The following ZFYVE27 variants were observed in gnomAD, a reference collection of about 807,000 sequenced individuals.
ZFYVE27 encodes the protein protrudin.
ZFYVE27 carries 36 observed loss-of-function variants against 52.8 expected under a neutral mutation model. That is an observed-to-expected ratio of 0.68 (90% CI 0.52 to 0.90). The LOEUF (loss-of-function observed/expected upper bound fraction) is 0.90, where lower values mean the gene tolerates loss of function less well. ZFYVE27 is among the 40% of genes least tolerant of loss of function. The pLI is 0.00. For missense variants in ZFYVE27, 450 were observed against 527.2 expected (o/e 0.85, Z 1.43); for synonymous variants, 223 against 215.6 (o/e 1.03, Z -0.30).
chr10:97,760,202 A>G lies in ZFYVE27; in HGVS notation c.*902A>G, dbSNP rs1178222542. On this transcript the variant is annotated 3_prime_UTR_variant, in exon 13 of 13. Coordinates refer to ENST00000684270, the MANE Select transcript of ZFYVE27 (RefSeq NM_001385875.1). The stretch of plus-strand genomic sequence containing the variant: ...ATGGAGTGGGAGGCCAGGTGAGTGG[A>G]GCAGAGGTCCTGAAGCCCTTGACCC... The G allele has an allele frequency of 1.3e-5, 2 of 152,366 alleles. No homozygotes were observed. Among genetic ancestry groups the G allele is most frequent in the African/African-American group, 4.8e-5 (2 of 41,428 alleles). The allele number at this position is 152,366 out of a possible 1,614,324, so 9.4% of individuals were successfully genotyped here.
chr10:97,753,866 C>A (rs774890955), intron 10 of ZFYVE27, among the ~76,000 whole-genome samples: 1 of 152,222 alleles, frequency 6.6e-6, no homozygotes, highest in Non-Finnish European at 1.5e-5. Flanking sequence ...GAGTTCACCT[C>A]TCCCCAGCCA....
chr10:97,743,699 A>C (rs932134673), intron 3 of ZFYVE27, among the ~76,000 whole-genome samples: 1 of 152,196 alleles, frequency 6.6e-6, no homozygotes, highest in Non-Finnish European at 1.5e-5. Flanking sequence ...TCAGCTAGTG[A>C]GCCTAACGGG....
chr10:97,748,521 G>T (rs1394792484), intron 5 of ZFYVE27, among the ~76,000 whole-genome samples, 157 bp downstream of exon 5: 1 of 152,184 alleles, frequency 6.6e-6, no homozygotes, highest in Non-Finnish European at 1.5e-5. Flanking sequence ...ATGCTTGCGG[G>T]CTCTAATGTA....
intron 10 of ZFYVE27, chr10:97,754,681 C>T (rs1564833317): frequency 7.8e-7 from 1 of 1,289,294 alleles, no homozygotes; most frequent in Non-Finnish European, 1.0e-6. Flanking sequence ...GATCTGTTTA[C>T]CCTCCATACT....
intron 11 of ZFYVE27, among the ~76,000 whole-genome samples, 154 bp from the exon 12 acceptor site, chr10:97,757,487 AG>A (rs2048668918): frequency 6.6e-6 from 1 of 152,116 alleles, no homozygotes; most frequent in Admixed American, 6.5e-5. Flanking sequence ...CAGCCTCCCC[AG>A]GGGGTATTCC....
At chr10:97,759,134 TGG>T in intron 12 of ZFYVE27, 100 bp from the exon 13 acceptor site, 1 of 1,238,416 alleles carries the variant, frequency 8.1e-7, no homozygotes, top group Non-Finnish European at 1.2e-6. Flanking sequence ...GTGGGCTGGG[TGG>T]GGGGTCTGTG....
intron 2 of ZFYVE27, among the ~76,000 whole-genome samples, chr10:97,742,550 C>T (rs1488763460): frequency 1.3e-5 from 2 of 152,086 alleles, no homozygotes; most frequent in Non-Finnish European, 2.9e-5. Context: ...ACTATTGTTT[C>T]TCTTTTTGAA....
chr10:97,740,749 T>C (rs2043400096), intron 2 of ZFYVE27, among the ~76,000 whole-genome samples: 1 of 152,170 alleles, frequency 6.6e-6, no homozygotes, highest in Admixed American at 6.5e-5. Context: ...CGTTAGTTTG[T>C]GCTTTTGATT....
rs145911738 is a variant in ZFYVE27, at chr10:97,746,751, A to G, written c.456-1518A>G. ...GTCATCCAGGCTGGAATGCAGTGGC[A>G]TGATCATGGCTCACTGCAGCCTCAA... On this transcript the variant is annotated intron_variant, in intron 4 of 12. Transcript: ENST00000684270. Among the ~76,000 whole-genome samples, 404 of 150,136 alleles carry G rather than the reference A, an allele frequency of 2.7e-3. 10 individuals are homozygous for G. The highest frequency in any genetic ancestry group is 0.014 in the East Asian group (69 of 5,076).
intron 3 of ZFYVE27, among the ~76,000 whole-genome samples, chr10:97,743,851 C>T (rs893461190): frequency 2.0e-5 from 3 of 152,162 alleles, no homozygotes; most frequent in Non-Finnish European, 2.9e-5. Context: ...CTACCCTATC[C>T]GTGGTTGGCG....
intron 4 of ZFYVE27, 107 bp from the exon 5 acceptor site, chr10:97,748,162 G>A: frequency 2.0e-6 from 2 of 1,014,764 alleles, no homozygotes; most frequent in Non-Finnish European, 3.0e-6. Context: ...CATGGTGAGT[G>A]TGTTTAAAGA....
At chr10:97,744,614 G>C in intron 3 of ZFYVE27, 115 bp from the exon 4 acceptor site, 13 of 1,241,000 alleles carry the variant, frequency 1.0e-5, no homozygotes, top group Non-Finnish European at 1.4e-5. Context: ...AGCTATCAGG[G>C]AAGGCCTGAC....
intron 5 of ZFYVE27, 45 bp from the exon 6 acceptor site, chr10:97,749,429 T>C: frequency 6.7e-7 from 1 of 1,485,860 alleles, no homozygotes; most frequent in African/African-American, 1.4e-5. Flanking sequence ...CGTCTCCTTC[T>C]GCTGTTACGA....
chr10:97,753,333 C>G, intron 10 of ZFYVE27, 151 bp downstream of exon 10: 1 of 1,260,340 alleles, frequency 7.9e-7, no homozygotes, highest in East Asian at 2.5e-5. Context: ...TCCGCGGGAC[C>G]CCGGGGAGCT....
At chr10:97,758,038 T>C (rs73324671) in intron 12 of ZFYVE27, 10,027 of 244,534 alleles carry the variant, frequency 0.041, 278 homozygotes, top group African/African-American at 0.079. Flanking sequence ...CTGGAGTCAA[T>C]CACCAGCCGC....
Position 97,750,470 on chromosome 10 carries a change from G to A in ZFYVE27, c.804G>A (p.Glu268=). 6.2e-7 allele frequency: 1 copy of A among 1,614,026 alleles called. No individual in the cohort carries two copies. Among genetic ancestry groups the A allele is most frequent in the African/African-American group, 1.3e-5 (1 of 75,056 alleles). Residue 268 remains glutamate (E), a splice_region_variant and synonymous_variant, in exon 7 of 13, where the codon GAG becomes GAA. Transcript: ENST00000684270. ...MDSTPALTPT[E]DLTPGSVEEA... ...GCACGCCTGCCCTCACACCCACGGA[G>A]GTAAGTGCCACTGTCAGGGCAGAGC...
At chr10:97,750,246 G>T in intron 6 of ZFYVE27, 85 bp from the exon 7 acceptor site, 1 of 1,550,422 alleles carries the variant, frequency 6.4e-7, no homozygotes, top group Non-Finnish European at 8.8e-7. Context: ...AGAGAGGCCA[G>T]CCAGCTGCAG....
chr10:97,757,782 T>G (rs1283002282), intron 12 of ZFYVE27, 59 bp downstream of exon 12: 2 of 1,568,130 alleles, frequency 1.3e-6, no homozygotes, highest in African/African-American at 1.4e-5. Flanking sequence ...GATGTCACGC[T>G]GTGGCACAGA....
At chr10:97,744,181 T>C (rs1225454559) in intron 3 of ZFYVE27, among the ~76,000 whole-genome samples, 1 of 152,258 alleles carries the variant, frequency 6.6e-6, no homozygotes, top group East Asian at 1.9e-4. Flanking sequence ...GCATTTATTA[T>C]GGGCCCGCTG....
Sources: allele counts gnomAD v4.1 joint callset (sites outside exome capture counted in the v4.1 genomes callset), GRCh38; gene constraint gnomAD v4.1.1; transcripts MANE v1.5; gene names NCBI Gene and HGNC (gene_info 2026-07-23, HGNC 2026-07-21).